The following DOK5 variants were observed in gnomAD, a reference collection of about 807,000 sequenced individuals.
The protein encoded by DOK5 is downstream of tyrosine kinase 5.
Under a neutral mutation model 43.3 loss-of-function variants are expected in DOK5, and 27 were observed. The observed-to-expected ratio is 0.62, with a 90% CI of 0.46 to 0.86. The LOEUF is 0.86. DOK5 is among the 40% of genes least tolerant of loss of function. The pLI, the probability that DOK5 is intolerant of heterozygous loss-of-function variation, is 0.00. For missense variants in DOK5, 373 were observed against 392.9 expected (o/e 0.95, Z 0.43); for synonymous variants, 146 against 140.1 (o/e 1.04, Z -0.30).
chr20:54,536,276 A>C (rs77425061), intron 1 of DOK5, among the ~76,000 whole-genome samples: 2 of 152,310 alleles, frequency 1.3e-5, no homozygotes, highest in African/African-American at 4.8e-5. Flanking sequence ...CTGTGAGTGC[A>C]TCAGTGGCCT....
intron 6 of DOK5, among the ~76,000 whole-genome samples, chr20:54,629,067 C>A (rs1178737571): frequency 6.6e-6 from 1 of 152,094 alleles, no homozygotes; most frequent in Non-Finnish European, 1.5e-5. Flanking sequence ...TGTTTGGTTT[C>A]TTTGAGGACT....
intron 2 of DOK5, among the ~76,000 whole-genome samples, chr20:54,573,141 T>C (rs1235454984): frequency 6.6e-6 from 1 of 151,834 alleles, no homozygotes; most frequent in African/African-American, 2.4e-5. Context: ...GGATAGGAAG[T>C]ATGGAAGGAG....
intron 2 of DOK5, among the ~76,000 whole-genome samples, chr20:54,562,317 C>A (rs957498909): frequency 6.6e-6 from 1 of 152,160 alleles, no homozygotes; most frequent in Non-Finnish European, 1.5e-5. Flanking sequence ...GGCCATGTGA[C>A]TCACATGCCA....
At chr20:54,482,556 T>A (rs189836412) in intron 1 of DOK5, among the ~76,000 whole-genome samples, 75 of 152,300 alleles carry the variant, frequency 4.9e-4, no homozygotes, top group Middle Eastern at 6.8e-3. Flanking sequence ...AGTGTCCTGG[T>A]GTGATCTCGG....
chr20:54,543,571 ATGTGTGTGTG>A (rs1017912567), intron 1 of DOK5, among the ~76,000 whole-genome samples: 1 of 119,660 alleles, frequency 8.4e-6, no homozygotes, highest in Non-Finnish European at 1.7e-5. Flanking sequence ...GTGTGTGTGT[ATGTGTGTGTG>A]TGTGAGAGAG....
intron 1 of DOK5, among the ~76,000 whole-genome samples, chr20:54,524,993 C>G (rs750204877): frequency 6.6e-6 from 1 of 152,166 alleles, no homozygotes; most frequent in Non-Finnish European, 1.5e-5. Flanking sequence ...TGAGGGTGTT[C>G]CCAAGCGGGT....
intron 6 of DOK5, among the ~76,000 whole-genome samples, chr20:54,627,634 A>T (rs1978361641): frequency 6.6e-6 from 1 of 152,200 alleles, no homozygotes; most frequent in South Asian, 2.1e-4. Context: ...TCAGGGTGAC[A>T]GGGTAAGGGT....
At chr20:54,627,918 C>A (rs1282155580) in intron 6 of DOK5, among the ~76,000 whole-genome samples, 3 of 152,130 alleles carry the variant, frequency 2.0e-5, no homozygotes, top group Admixed American at 6.5e-5. Context: ...AGAAGTGTGA[C>A]CGTCTCAAGA....
At chr20:54,553,851 C>G (rs1012060602) in intron 1 of DOK5, among the ~76,000 whole-genome samples, 1 of 145,296 alleles carries the variant, frequency 6.9e-6, no homozygotes, top group African/African-American at 2.6e-5. Flanking sequence ...GAGCGGAGAT[C>G]GCACCACCTC....
intron 1 of DOK5, among the ~76,000 whole-genome samples, chr20:54,503,322 A>T (rs901381993): frequency 2.0e-5 from 3 of 152,154 alleles, no homozygotes; most frequent in East Asian, 1.9e-4. Flanking sequence ...GGATTTTTTT[A>T]AAAAATAATT....
intron 1 of DOK5, among the ~76,000 whole-genome samples, chr20:54,547,454 AC>A (rs1489218256): frequency 6.6e-6 from 1 of 152,212 alleles, no homozygotes; most frequent in Non-Finnish European, 1.5e-5. Context: ...GTGAAGGCTT[AC>A]TATTATAGTA....
At chr20:54,622,822 A>G (rs1176921595) in intron 6 of DOK5, among the ~76,000 whole-genome samples, 1 of 152,090 alleles carries the variant, frequency 6.6e-6, no homozygotes, top group African/African-American at 2.4e-5. Flanking sequence ...CATGGCAAAG[A>G]AGAGAGAGAT....
At chr20:54,594,022 C>T (rs1018223128) in intron 5 of DOK5, among the ~76,000 whole-genome samples, 3 of 151,950 alleles carry the variant, frequency 2.0e-5, no homozygotes, top group African/African-American at 7.3e-5. Context: ...GGGAGAGGAT[C>T]AGGAAAAATA....
intron 1 of DOK5, among the ~76,000 whole-genome samples, chr20:54,541,142 C>G (rs906266697): frequency 1.3e-5 from 2 of 152,172 alleles, no homozygotes; most frequent in African/African-American, 4.8e-5. Flanking sequence ...TCATCCTAGA[C>G]TTTTGTCTTA....
At chr20:54,539,228 G>T (rs1984058210) in intron 1 of DOK5, among the ~76,000 whole-genome samples, 2 of 138,144 alleles carry the variant, frequency 1.4e-5, no homozygotes, top group Admixed American at 8.0e-5. Context: ...AGGCAGAGGT[G>T]AGATCGCACC....
intron 1 of DOK5, among the ~76,000 whole-genome samples, chr20:54,504,768 TG>T (rs1982744145): frequency 6.6e-6 from 1 of 152,192 alleles, no homozygotes; most frequent in African/African-American, 2.4e-5. Context: ...AGACCTGTCA[TG>T]GGCACACATC....
intron 6 of DOK5, among the ~76,000 whole-genome samples, chr20:54,632,947 C>T (rs567220061): frequency 1.3e-5 from 2 of 152,122 alleles, no homozygotes; most frequent in African/African-American, 2.4e-5. Context: ...CGTGGTGGTG[C>T]GTCCCTGTAA....
At chr20:54,477,526 C>G (rs894945100) in intron 1 of DOK5, among the ~76,000 whole-genome samples, 2 of 152,098 alleles carry the variant, frequency 1.3e-5, no homozygotes, top group South Asian at 2.1e-4. Context: ...TTCAAGAGCA[C>G]CCATTGTTGG....
chr20:54,598,756 A>G (rs1019072585), intron 5 of DOK5, among the ~76,000 whole-genome samples: 3 of 152,212 alleles, frequency 2.0e-5, no homozygotes, highest in Non-Finnish European at 2.9e-5. Flanking sequence ...TGCCAAAAAT[A>G]TGTGAAAATC....
Sources: allele counts gnomAD v4.1 joint callset (sites outside exome capture counted in the v4.1 genomes callset), GRCh38; gene constraint gnomAD v4.1.1; transcripts MANE v1.5; gene names NCBI Gene and HGNC (gene_info 2026-07-23, HGNC 2026-07-21).